LRRTM4: variants seen among roughly 807,000 people sequenced by gnomAD.
The protein encoded by LRRTM4 is leucine rich repeat transmembrane neuronal 4.
A neutral mutation model predicts 47.6 loss-of-function variants in LRRTM4; 25 were observed. That is an observed-to-expected ratio of 0.53 (90% CI 0.38 to 0.73). LRRTM4 has a LOEUF of 0.73. Ranked by LOEUF, LRRTM4 falls within the 30% of genes least tolerant of loss-of-function variation. LRRTM4 has a pLI of 0.00. For missense variants in LRRTM4, 638 were observed against 713.4 expected, an observed-to-expected ratio of 0.89 and a Z score of 1.20; for synonymous variants, 311 against 269.5, an observed-to-expected ratio of 1.15 and a Z score of -1.51.
intron 3 of LRRTM4, among the ~76,000 whole-genome samples, chr2:77,500,531 C>T (rs1678533642): frequency 6.6e-6 from 1 of 151,418 alleles, no homozygotes; most frequent in Non-Finnish European, 1.5e-5. Flanking sequence ...AAACAAAAAT[C>T]ATAAAATAAT....
chr2:77,324,315 A>T (rs1227278948), intron 3 of LRRTM4, among the ~76,000 whole-genome samples: 1 of 152,176 alleles, frequency 6.6e-6, no homozygotes, highest in African/African-American at 2.4e-5. Flanking sequence ...GGGACTTAAC[A>T]GTCCTGTGGG....
chr2:77,358,932 T>C (rs542506553), intron 3 of LRRTM4, among the ~76,000 whole-genome samples: 12 of 152,336 alleles, frequency 7.9e-5, no homozygotes, highest in Middle Eastern at 3.4e-3. Flanking sequence ...ACTTGGTTTA[T>C]TTCCCCTATT....
intron 3 of LRRTM4, among the ~76,000 whole-genome samples, chr2:77,097,758 A>T (rs1197965078): frequency 6.6e-6 from 1 of 152,020 alleles, no homozygotes; most frequent in East Asian, 1.9e-4. Flanking sequence ...CAATTATCCA[A>T]GCATTTGAAT....
At chr2:76,848,496 C>T (rs577276730) in intron 3 of LRRTM4, among the ~76,000 whole-genome samples, 10 of 152,122 alleles carry the variant, frequency 6.6e-5, no homozygotes, top group South Asian at 2.1e-4. Context: ...TTTTCAAATT[C>T]GTACTTTGTT....
At chr2:77,299,959 C>T (rs893453624) in intron 3 of LRRTM4, among the ~76,000 whole-genome samples, 1 of 147,612 alleles carries the variant, frequency 6.8e-6, no homozygotes. Context: ...TCAAACGATT[C>T]TCCTGCCTCA....
rs1038576214 is a variant in LRRTM4, at chr2:77,227,370, T to C, written c.1551+290948A>G. ...ATATTTTGAAAGTTTAAAAACACAA[T>C]TTAATAAATGATTCAATGTAATCTC... is the stretch of plus-strand genomic sequence containing the variant. On this transcript the variant is annotated intron_variant, in intron 3 of 3. Transcript: ENST00000409884. Among the ~76,000 whole-genome samples the C allele has an allele frequency of 2.2e-4, 34 of 152,036 alleles. 1 individual carries two copies. The highest frequency in any genetic ancestry group is 8.2e-4 in the African/African-American group (34 of 41,412).
chr2:77,098,710 C>CACTG (rs35852999), intron 3 of LRRTM4, among the ~76,000 whole-genome samples: 60,428 of 151,266 alleles, frequency 0.4, 13,572 homozygotes, highest in East Asian at 0.69. Context: ...CTATACAAAT[C>CACTG]ACTAAGAGAT....
intron 3 of LRRTM4, among the ~76,000 whole-genome samples, chr2:76,791,044 T>G (rs1674944110): frequency 6.6e-6 from 1 of 152,114 alleles, no homozygotes; most frequent in Admixed American, 6.6e-5. Context: ...AAGAGGTAAT[T>G]TACTGGGGCT....
At chr2:77,012,963 T>C (rs1173075397) in intron 3 of LRRTM4, among the ~76,000 whole-genome samples, 3 of 152,130 alleles carry the variant, frequency 2.0e-5, no homozygotes, top group Non-Finnish European at 4.4e-5. Flanking sequence ...CCAAGGAAAA[T>C]ACAGATGTTC....
At chr2:77,167,557 G>T (rs548324122) in intron 3 of LRRTM4, among the ~76,000 whole-genome samples, 2 of 152,156 alleles carry the variant, frequency 1.3e-5, no homozygotes, top group Non-Finnish European at 2.9e-5. Context: ...CAACCCAAAT[G>T]TCCATCAATG....
intron 3 of LRRTM4, among the ~76,000 whole-genome samples, chr2:77,080,849 C>T (rs1004301937): frequency 6.6e-6 from 1 of 152,118 alleles, no homozygotes; most frequent in Non-Finnish European, 1.5e-5. Context: ...GTTATTTCTC[C>T]TTTACTATTA....
intron 3 of LRRTM4, among the ~76,000 whole-genome samples, chr2:77,480,970 T>G (rs1262009781): frequency 6.6e-6 from 1 of 152,050 alleles, no homozygotes; most frequent in African/African-American, 2.4e-5. Context: ...AACTTCCCCA[T>G]GTAACAAAGC....
chr2:77,256,483 C>G (rs1432037989), intron 3 of LRRTM4, among the ~76,000 whole-genome samples: 1 of 152,008 alleles, frequency 6.6e-6, no homozygotes, highest in African/African-American at 2.4e-5. Context: ...GGGAGGGACC[C>G]AGTGGGAGGT....
chr2:77,306,962 C>T (rs13414828), intron 3 of LRRTM4, among the ~76,000 whole-genome samples: 5,649 of 139,926 alleles, frequency 0.04, 257 homozygotes, highest in Middle Eastern at 0.11. Flanking sequence ...TGCAGTGGCG[C>T]GATCTCGGCT....
At chr2:77,178,980 A>G (rs2103852171) in intron 3 of LRRTM4, among the ~76,000 whole-genome samples, 1 of 152,330 alleles carries the variant, frequency 6.6e-6, no homozygotes, top group Admixed American at 6.5e-5. Flanking sequence ...ATACATACAC[A>G]TATGTAGATA....
intron 3 of LRRTM4, among the ~76,000 whole-genome samples, chr2:76,967,814 C>CT (rs74587692): frequency 1.2e-4 from 17 of 147,602 alleles, no homozygotes; most frequent in East Asian, 6.0e-4. Context: ...TTTTGCTTTG[C>CT]TTTTTTTTTT....
intron 3 of LRRTM4, among the ~76,000 whole-genome samples, chr2:76,941,558 T>C (rs1045676593): frequency 2.0e-5 from 3 of 151,246 alleles, no homozygotes; most frequent in African/African-American, 7.3e-5. Flanking sequence ...AGTGAGAACA[T>C]GCGATTTTTG....
chr2:76,802,142 G>T (rs1485694734), intron 3 of LRRTM4, among the ~76,000 whole-genome samples: 9 of 149,918 alleles, frequency 6.0e-5, no homozygotes, highest in Non-Finnish European at 1.2e-4. Context: ...CAAGGGAAAA[G>T]AATAAAAGTC....
intron 3 of LRRTM4, among the ~76,000 whole-genome samples, chr2:76,958,912 G>A (rs1427976834): frequency 1.3e-5 from 2 of 151,628 alleles, no homozygotes; most frequent in African/African-American, 2.4e-5. Context: ...TAGTTTTCCA[G>A]GCTTGTTACT....
Sources: allele counts gnomAD v4.1 joint callset (sites outside exome capture counted in the v4.1 genomes callset), GRCh38; gene constraint gnomAD v4.1.1; transcripts MANE v1.5; gene names NCBI Gene and HGNC (gene_info 2026-07-23, HGNC 2026-07-21).